Variants in PLA2G4C observed in about 807,000 individuals in gnomAD.
PLA2G4C encodes the protein cytosolic phospholipase A2 gamma.
A neutral mutation model predicts 73.8 loss-of-function variants in PLA2G4C; 64 were observed. That is an observed-to-expected ratio of 0.87 (90% confidence interval 0.71 to 1.07). The LOEUF (loss-of-function observed/expected upper bound fraction) is 1.07. Among genes scored for constraint, PLA2G4C ranks in the 50% least tolerant of loss-of-function variants. PLA2G4C has a pLI of 0.00. For synonymous variants in PLA2G4C, 254 were observed against 252.1 expected, an observed-to-expected ratio of 1.01 and a Z score of -0.07; for missense variants, 622 against 665.4, an observed-to-expected ratio of 0.93 and a Z score of 0.72.
In PLA2G4C at chr19:48,110,556, T is replaced by C. The variant is rs11564501; in HGVS notation, c.-102A>G. Reference sequence around the variant, plus strand: ...TGCTCCGGAATCCGGTGCGGAGGCTTGGGCTCCCTGCGCTTAGCGGTGTAG... The same window carrying C: ...TGCTCCGGAATCCGGTGCGGAGGCTCGGGCTCCCTGCGCTTAGCGGTGTAG... On this transcript the variant is annotated 5_prime_UTR_variant, in exon 1 of 17. Transcript: ENST00000599921. 7.0e-5 allele frequency: 105 copies of C among 1,490,886 alleles called. No homozygotes were observed. The highest frequency in any genetic ancestry group is 5.0e-4 in the African/African-American group (35 of 69,822). The allele number at this position is 1,490,886 out of a possible 1,614,324, so 92.4% of individuals were successfully genotyped here. A position where few individuals can be genotyped will look rare whatever the true frequency, so the allele number is the denominator to read the frequency against.
chr19:48,089,353 G>A (rs998931055), intron 8 of PLA2G4C, among the ~76,000 whole-genome samples: 2 of 152,026 alleles, frequency 1.3e-5, no homozygotes, highest in African/African-American at 4.8e-5. Flanking sequence ...GGAGGTGGAG[G>A]TTGCAGTGAA....
intron 10 of PLA2G4C, among the ~76,000 whole-genome samples, chr19:48,081,403 A>G (rs1441211639): frequency 2.0e-5 from 3 of 152,202 alleles, no homozygotes; most frequent in Non-Finnish European, 4.4e-5. Context: ...AAAGGCATAC[A>G]GAGTGGCATA....
At chr19:48,050,826 C>T (rs920659588) in intron 16 of PLA2G4C, among the ~76,000 whole-genome samples, 13 of 151,846 alleles carry the variant, frequency 8.6e-5, no homozygotes, top group African/African-American at 2.9e-4. Context: ...AGGCATACAC[C>T]ACCATGCCTT....
At chr19:48,086,251 G>A (rs1218803660) in intron 9 of PLA2G4C, among the ~76,000 whole-genome samples, 2 of 152,176 alleles carry the variant, frequency 1.3e-5, no homozygotes, top group Admixed American at 6.6e-5. Context: ...AGGCTGCCTG[G>A]AACTTAGCTC....
chr19:48,060,026 C>T (rs1568424562), intron 14 of PLA2G4C, among the ~76,000 whole-genome samples: 1 of 152,000 alleles, frequency 6.6e-6, no homozygotes, highest in East Asian at 1.9e-4. Context: ...GCCTCGGCCT[C>T]CCAAAATGCT....
At chr19:48,094,827 T>C (rs142215458) in intron 7 of PLA2G4C, among the ~76,000 whole-genome samples, 179 of 152,348 alleles carry the variant, frequency 1.2e-3, no homozygotes, top group African/African-American at 4.2e-3. Context: ...TAAAAAAAAT[T>C]GTATGCCCCT....
chr19:48,067,135 T>C (rs1410997746), intron 13 of PLA2G4C, among the ~76,000 whole-genome samples: 1 of 151,318 alleles, frequency 6.6e-6, no homozygotes, highest in East Asian at 1.9e-4. Flanking sequence ...AATGAGAGGG[T>C]CAGTCCCCTG....
At position 48,084,607 on chromosome 19, in the gene PLA2G4C, C is replaced by T. The variant is rs79583558; in HGVS notation, c.844+452G>A. ...AACTCCTGGCCTCAAATGATCCGCC[C>T]GCCTTAGCCTCCCAAGTGTTGCGAT... On this transcript the variant is annotated intron_variant, in intron 10 of 16. Coordinates refer to ENST00000599921, the MANE Select transcript of PLA2G4C (RefSeq NM_003706.3). Among the ~76,000 whole-genome samples the T allele has an allele frequency of 8.7e-3, 1,318 of 152,324 alleles. 23 individuals are homozygous for T. The highest frequency in any genetic ancestry group is 0.03 in the African/African-American group (1,251 of 41,558).
In PLA2G4C at chr19:48,072,412, G is replaced by A. The variant is rs552843214; in HGVS notation, c.1006+2355C>T. ...TTATAGAAAGTCATAGTGAGGCTTC[G>A]TGTGGCACATTCCATCTCTCTCCAT... On this transcript the variant is annotated intron_variant, in intron 12 of 16. Coordinates refer to ENST00000599921, the MANE Select transcript of PLA2G4C (RefSeq NM_003706.3). The surrounding 1 kb of genome is among the most constrained non-coding windows in gnomAD (Gnocchi z 4.4). The A allele has an allele frequency of 3.3e-5, 5 of 152,150 alleles. No individual in the cohort carries two copies. The highest frequency in any genetic ancestry group is 1.3e-4 in the Admixed American group (2 of 15,266). 9.4% of individuals were successfully genotyped at this position (152,150 alleles called of 1,614,324 possible).
intron 5 of PLA2G4C, among the ~76,000 whole-genome samples, chr19:48,099,211 G>A (rs1245018376): frequency 6.6e-6 from 1 of 152,114 alleles, no homozygotes; most frequent in Non-Finnish European, 1.5e-5. Context: ...CGAAGCTGCA[G>A]TGAGCCATGA....
At chr19:48,054,607 G>A (rs1170106576) in intron 15 of PLA2G4C, among the ~76,000 whole-genome samples, 4 of 151,776 alleles carry the variant, frequency 2.6e-5, no homozygotes, top group African/African-American at 7.3e-5. Flanking sequence ...GAGCCACCGC[G>A]CCCGGCTGAT....
chr19:48,065,071 A>C (rs916677839), intron 13 of PLA2G4C: 44 of 152,186 alleles, frequency 2.9e-4, no homozygotes, highest in African/African-American at 1.0e-3. Context: ...TTCTGAGCCA[A>C]ATGTGAGTGA....
intron 16 of PLA2G4C, among the ~76,000 whole-genome samples, chr19:48,052,432 T>G (rs1436327837): frequency 1.3e-5 from 2 of 152,100 alleles, no homozygotes; most frequent in African/African-American, 4.8e-5. Flanking sequence ...CGCTTTGCTC[T>G]CTCTCTCTCC....
intron 3 of PLA2G4C, 59 bp from the exon 4 acceptor site, chr19:48,104,783 A>C: frequency 1.3e-6 from 2 of 1,571,288 alleles, no homozygotes; most frequent in Non-Finnish European, 1.7e-6. Flanking sequence ...AGGTGGGAAC[A>C]AGAAGAAGGG....
chr19:48,068,690 G>A (rs1430723281), intron 12 of PLA2G4C, among the ~76,000 whole-genome samples: 2 of 145,912 alleles, frequency 1.4e-5, no homozygotes, highest in African/African-American at 2.6e-5. Flanking sequence ...AGCCTCACTT[G>A]TATCACTCAG....
At chr19:48,075,330 C>T (rs977491110) in intron 11 of PLA2G4C, among the ~76,000 whole-genome samples, 5 of 151,558 alleles carry the variant, frequency 3.3e-5, no homozygotes, top group Admixed American at 6.6e-5. Flanking sequence ...ACTACAGGCA[C>T]GCACCACCAC....
At chr19:48,087,285 T>A (rs2031034984) in intron 9 of PLA2G4C, among the ~76,000 whole-genome samples, 1 of 152,198 alleles carries the variant, frequency 6.6e-6, no homozygotes. Flanking sequence ...ACAGCCCTGG[T>A]GTGCATGAAG....
Position 48,105,361 on chromosome 19 carries a change from A to C in PLA2G4C, c.92T>G (p.Leu31Arg). 6.2e-7 allele frequency: 1 copy of C among 1,613,574 alleles called. No homozygotes were observed. Among genetic ancestry groups the C allele is most frequent in the South Asian group, 1.1e-5 (1 of 91,008 alleles). Residue 31 changes from leucine to arginine, a missense_variant, in exon 3 of 17, where the codon CTG (leucine) becomes CGG (arginine). Physicochemically the swap from Leu to Arg is moderately radical, Grantham distance 102. Coordinates refer to ENST00000599921, the MANE Select transcript of PLA2G4C (RefSeq NM_003706.3). ...ERRRLHVLKALKKLRIEADEA... is the reference protein window; with the variant it reads ...ERRRLHVLKARKKLRIEADEA... ...ATCAGCCTCAATCCTTAGCTTCTTC[A>C]GAGCTTTCAGCACATGAAGTCTTCG...
At chr19:48,066,485 G>A (rs1968426396) in intron 13 of PLA2G4C, among the ~76,000 whole-genome samples, 2 of 152,002 alleles carry the variant, frequency 1.3e-5, no homozygotes, top group Admixed American at 1.3e-4. Context: ...TGCCTTGTAG[G>A]AAGCACCCCA....
Sources: allele counts gnomAD v4.1 joint callset (sites outside exome capture counted in the v4.1 genomes callset), GRCh38; gene constraint gnomAD v4.1.1; non-coding constraint Gnocchi (gnomAD v3.1); transcripts MANE v1.5; gene names NCBI Gene and HGNC (gene_info 2026-07-23, HGNC 2026-07-21).